Variants in DOCK1 observed in about 807,000 individuals in gnomAD.
DOCK1 encodes dedicator of cytokinesis 1.
DOCK1 carries 138 observed loss-of-function variants against 262.7 expected under a neutral mutation model. The ratio of observed to expected loss-of-function variants is 0.53; its 90% CI spans 0.46 to 0.61. DOCK1 has a LOEUF of 0.61. DOCK1 is among the 20% of genes least tolerant of loss of function. The pLI is 0.00. For synonymous variants in DOCK1, 866 were observed against 867.4 expected, an observed-to-expected ratio of 1.00 and a Z score of 0.03; for missense variants, 1,908 against 2,370.7, an observed-to-expected ratio of 0.80 and a Z score of 4.05.
intron 23 of DOCK1, among the ~76,000 whole-genome samples, chr10:127,078,032 A>G (rs2046672686): frequency 6.6e-6 from 1 of 152,096 alleles, no homozygotes; most frequent in East Asian, 1.9e-4. Context: ...CAGAGCCGAG[A>G]AAAGGAATTT....
intron 27 of DOCK1, among the ~76,000 whole-genome samples, chr10:127,157,174 C>CT (rs969486719): frequency 7.5e-4 from 114 of 152,282 alleles, no homozygotes; most frequent in African/African-American, 2.7e-3. Context: ...AGAATGAACT[C>CT]TAAGGAGGTG....
intron 44 of DOCK1, 110 bp from the exon 45 acceptor site, chr10:127,418,255 G>A: frequency 8.0e-7 from 1 of 1,244,170 alleles, no homozygotes; most frequent in Non-Finnish European, 1.1e-6. Context: ...TTGGAAGAAA[G>A]GTTCACGGAG....
intron 23 of DOCK1, among the ~76,000 whole-genome samples, chr10:127,073,620 A>G (rs34242080): frequency 0.19 from 29,513 of 152,196 alleles, 3,082 homozygotes; most frequent in South Asian, 0.37. Context: ...TTTTTTGTCT[A>G]ATAGTCTTCG....
chr10:127,209,928 T>C (rs1245596235), intron 27 of DOCK1, among the ~76,000 whole-genome samples: 1 of 152,182 alleles, frequency 6.6e-6, no homozygotes, highest in African/African-American at 2.4e-5. Flanking sequence ...CTCATTTTAA[T>C]TTTATTCACC....
intron 29 of DOCK1, among the ~76,000 whole-genome samples, chr10:127,299,106 A>G (rs560726692): frequency 2.6e-5 from 4 of 152,154 alleles, no homozygotes; most frequent in African/African-American, 9.6e-5. Flanking sequence ...TGGGCTCTTT[A>G]TTTTTTGTTT....
chr10:127,269,505 A>T lies in DOCK1; in HGVS notation c.3044+12076A>T, dbSNP rs76288468. On this transcript the variant is annotated intron_variant, in intron 29 of 51. Transcript: ENST00000623213. ...GTTTCCCTTGATTTATAGGTAATTAAGTCAACCCATTTTGCTTGCTGTTTT... is the reference window on the plus strand; with the variant it reads ...GTTTCCCTTGATTTATAGGTAATTATGTCAACCCATTTTGCTTGCTGTTTT... Among the ~76,000 whole-genome samples, 494 of 152,334 alleles carry T rather than the reference A, an allele frequency of 3.2e-3. 2 individuals are homozygous for T. Among genetic ancestry groups the T allele is most frequent in the African/African-American group, 0.01 (427 of 41,592 alleles).
intron 29 of DOCK1, among the ~76,000 whole-genome samples, chr10:127,294,650 A>ATT (rs34901936): frequency 1.6e-5 from 2 of 127,628 alleles, no homozygotes; most frequent in Non-Finnish European, 1.7e-5. Flanking sequence ...GAGTTGTCCT[A>ATT]TTTTTTTTTT....
At chr10:127,332,070 C>A (rs1477256680) in intron 29 of DOCK1, among the ~76,000 whole-genome samples, 1 of 152,184 alleles carries the variant, frequency 6.6e-6, no homozygotes, top group Non-Finnish European at 1.5e-5. Flanking sequence ...CACGACAATT[C>A]CTTGGCCAGG....
At chr10:127,371,101 G>C (rs1283624419) in intron 33 of DOCK1, among the ~76,000 whole-genome samples, 3 of 152,198 alleles carry the variant, frequency 2.0e-5, no homozygotes, top group African/African-American at 7.2e-5. Context: ...TGCTCTATCA[G>C]CAAATGTACT....
At chr10:126,916,107 G>T (rs2032462227) in intron 1 of DOCK1, among the ~76,000 whole-genome samples, 1 of 151,592 alleles carries the variant, frequency 6.6e-6, no homozygotes, top group African/African-American at 2.4e-5. Context: ...GGTATTCCTG[G>T]GTACAGCACT....
At chr10:127,047,809 C>T (rs116564548) in intron 21 of DOCK1, among the ~76,000 whole-genome samples, 198 of 152,356 alleles carry the variant, frequency 1.3e-3, no homozygotes, top group African/African-American at 4.4e-3. Context: ...TCTTGAGATT[C>T]ATGCATGTTG....
At chr10:127,069,477 TTTC>T (rs2046078834) in intron 23 of DOCK1, among the ~76,000 whole-genome samples, 1 of 152,128 alleles carries the variant, frequency 6.6e-6, no homozygotes, top group Non-Finnish European at 1.5e-5. Context: ...GTCAGAAGGG[TTTC>T]CCAAGAGCAA....
intron 38 of DOCK1, among the ~76,000 whole-genome samples, chr10:127,387,858 C>CT (rs5788840): frequency 0.4 from 58,986 of 147,590 alleles, 11,764 homozygotes; most frequent in African/African-American, 0.45. Flanking sequence ...AAAACAGAGT[C>CT]TTTTTTTTTT....
At chr10:127,223,885 C>G (rs1182372447) in intron 27 of DOCK1, among the ~76,000 whole-genome samples, 2 of 152,068 alleles carry the variant, frequency 1.3e-5, no homozygotes, top group African/African-American at 4.8e-5. Context: ...CAGGGTGGAG[C>G]TTGGTTACTT....
chr10:127,402,917 T>C, intron 38 of DOCK1, 138 bp from the exon 39 acceptor site: 1 of 865,838 alleles, frequency 1.2e-6, no homozygotes, highest in South Asian at 1.6e-5. Flanking sequence ...AATATTTGTA[T>C]TTTTTCGGTG....
At chr10:127,147,307 T>G (rs1338143142) in intron 27 of DOCK1, among the ~76,000 whole-genome samples, 1 of 152,148 alleles carries the variant, frequency 6.6e-6, no homozygotes, top group African/African-American at 2.4e-5. Context: ...CTGTTTGTCC[T>G]CCTAGTTCCT....
intron 29 of DOCK1, among the ~76,000 whole-genome samples, chr10:127,262,942 G>C (rs2060226274): frequency 6.6e-6 from 1 of 152,144 alleles, no homozygotes; most frequent in Admixed American, 6.5e-5. Context: ...CAGAGAGCTG[G>C]GCGGTGTTAG....
chr10:127,021,775 A>G (rs751918509), intron 13 of DOCK1, among the ~76,000 whole-genome samples: 20 of 152,208 alleles, frequency 1.3e-4, no homozygotes, highest in African/African-American at 4.6e-4. Context: ...TGACTTTTAA[A>G]TGAAAGCTTA....
intron 45 of DOCK1, among the ~76,000 whole-genome samples, chr10:127,419,456 A>G (rs1453240601): frequency 6.6e-6 from 1 of 152,230 alleles, no homozygotes; most frequent in East Asian, 1.9e-4. Context: ...TTGCTGCTGT[A>G]GACAGCCCTG....
Sources: gnomAD v4.1 joint callset for allele counts (sites outside exome capture counted in the v4.1 genomes callset) on GRCh38, gnomAD v4.1.1 for gene constraint, MANE v1.5 for transcripts, NCBI Gene and HGNC (gene_info 2026-07-23, HGNC 2026-07-21) for gene names.